Variants in OXR1 observed in about 807,000 individuals in gnomAD.
The protein encoded by OXR1 is oxidation resistance protein 1.
A neutral mutation model predicts 104.6 loss-of-function variants in OXR1; 41 were observed. The ratio of observed to expected loss-of-function variants is 0.39; its 90% CI spans 0.31 to 0.51. The LOEUF is 0.51. Ranked by LOEUF, OXR1 falls within the 20% of genes least tolerant of loss-of-function variation. The pLI is 0.77. For synonymous variants in OXR1, 348 were observed against 348.4 expected, an observed-to-expected ratio of 1.00 and a Z score of 0.01; for missense variants, 955 against 1,031.9, an observed-to-expected ratio of 0.93 and a Z score of 1.02.
intron 2 of OXR1, among the ~76,000 whole-genome samples, chr8:106,451,300 A>G (rs1214620670): frequency 6.6e-6 from 1 of 152,192 alleles, no homozygotes; most frequent in Non-Finnish European, 1.5e-5. Context: ...TATCATTGCA[A>G]TTGGAAATCT....
chr8:106,513,105 C>A (rs1007710890), intron 2 of OXR1, among the ~76,000 whole-genome samples: 2 of 152,004 alleles, frequency 1.3e-5, no homozygotes, highest in Non-Finnish European at 2.9e-5. Context: ...ATAAATTATG[C>A]AAGAGTAAAA....
At chr8:106,511,659 G>C (rs1356192926) in intron 2 of OXR1, among the ~76,000 whole-genome samples, 1 of 152,168 alleles carries the variant, frequency 6.6e-6, no homozygotes, top group Non-Finnish European at 1.5e-5. Context: ...TTTATACACT[G>C]CTTTAATAGA....
intron 2 of OXR1, among the ~76,000 whole-genome samples, chr8:106,401,938 G>A (rs1262675819): frequency 2.0e-5 from 3 of 152,184 alleles, no homozygotes; most frequent in East Asian, 3.9e-4. Context: ...GAGGATTGGA[G>A]AGTTGATATA....
chr8:106,470,415 A>G (rs565101482), intron 2 of OXR1, among the ~76,000 whole-genome samples: 8 of 149,864 alleles, frequency 5.3e-5, no homozygotes, highest in South Asian at 4.1e-4. Context: ...GAAATCAAGA[A>G]TAAGTCCGAG....
chr8:106,401,579 G>T (rs1563755954), intron 2 of OXR1, among the ~76,000 whole-genome samples: 1 of 152,118 alleles, frequency 6.6e-6, no homozygotes, highest in Non-Finnish European at 1.5e-5. Flanking sequence ...TCACTCAGTA[G>T]ATTAGTTGGA....
intron 3 of OXR1, among the ~76,000 whole-genome samples, chr8:106,542,061 C>T (rs1814995170): frequency 6.6e-6 from 1 of 152,154 alleles, no homozygotes; most frequent in Non-Finnish European, 1.5e-5. Flanking sequence ...TTGAGTCTAG[C>T]TTCTGTACAA....
chr8:106,527,537 T>C (rs1157393552), intron 3 of OXR1, among the ~76,000 whole-genome samples: 1 of 152,218 alleles, frequency 6.6e-6, no homozygotes, highest in African/African-American at 2.4e-5. Flanking sequence ...GTATGATGTA[T>C]CTTGGGCTTT....
chr8:106,470,333 C>T (rs1821419344), intron 2 of OXR1, among the ~76,000 whole-genome samples: 2 of 151,788 alleles, frequency 1.3e-5, no homozygotes, highest in East Asian at 3.9e-4. Flanking sequence ...ACCATTCTTC[C>T]AGTTATTTCC....
intron 3 of OXR1, among the ~76,000 whole-genome samples, chr8:106,635,376 C>A (rs1823043732): frequency 6.6e-6 from 1 of 152,086 alleles, no homozygotes; most frequent in African/African-American, 2.4e-5. Flanking sequence ...TATTATAGAG[C>A]TTTTCATAAA....
intron 2 of OXR1, among the ~76,000 whole-genome samples, chr8:106,416,988 G>A (rs907484913): frequency 6.6e-6 from 1 of 152,102 alleles, no homozygotes; most frequent in African/African-American, 2.4e-5. Flanking sequence ...GTTAATTAAC[G>A]TGACAAAGAA....
intron 3 of OXR1, among the ~76,000 whole-genome samples, chr8:106,630,295 G>A (rs1350843310): frequency 1.3e-5 from 2 of 152,186 alleles, no homozygotes; most frequent in African/African-American, 4.8e-5. Flanking sequence ...TGACATAGGT[G>A]TAAATAGGGC....
intron 3 of OXR1, among the ~76,000 whole-genome samples, chr8:106,675,074 T>C (rs1420475092): frequency 2.0e-5 from 3 of 152,188 alleles, no homozygotes; most frequent in Non-Finnish European, 2.9e-5. Context: ...AAGAATACTT[T>C]ATGGAAACAG....
intron 3 of OXR1, among the ~76,000 whole-genome samples, chr8:106,629,931 ATGTG>A (rs1822519304): frequency 6.6e-6 from 1 of 152,210 alleles, no homozygotes; most frequent in South Asian, 2.1e-4. Context: ...ATAATAGTCA[ATGTG>A]ATCTAAATAC....
chr8:106,717,824 A>ATT (rs34787151), intron 11 of OXR1, among the ~76,000 whole-genome samples: 89,862 of 151,872 alleles, frequency 0.59, 27,189 homozygotes, highest in African/African-American at 0.72. Context: ...TGTAGTAAAT[A>ATT]TTTTCATAAA....
At chr8:106,551,037 G>A (rs772925459) in intron 3 of OXR1, among the ~76,000 whole-genome samples, 6 of 152,100 alleles carry the variant, frequency 3.9e-5, no homozygotes, top group Non-Finnish European at 8.8e-5. Context: ...CCTCTGAAAC[G>A]TACTCCCAGT....
chr8:106,731,732 G>A (rs1446360893), intron 11 of OXR1, among the ~76,000 whole-genome samples: 1 of 152,102 alleles, frequency 6.6e-6, no homozygotes, highest in African/African-American at 2.4e-5. Flanking sequence ...GTTTTATTGT[G>A]TATCATTGAT....
intron 3 of OXR1, among the ~76,000 whole-genome samples, chr8:106,540,756 C>T (rs1313788737): frequency 6.6e-6 from 1 of 152,152 alleles, no homozygotes; most frequent in African/African-American, 2.4e-5. Context: ...CAAGTCACAG[C>T]TTACATGGAT....
chr8:106,445,606 T>C (rs1819981932), intron 2 of OXR1, among the ~76,000 whole-genome samples: 1 of 152,186 alleles, frequency 6.6e-6, no homozygotes, highest in Admixed American at 6.6e-5. Context: ...TCCAACCATG[T>C]CCATCATCTG....
intron 3 of OXR1, among the ~76,000 whole-genome samples, chr8:106,632,503 T>C (rs760991029): frequency 1.3e-5 from 2 of 152,354 alleles, no homozygotes; most frequent in South Asian, 4.1e-4. Context: ...AATTAAATGC[T>C]CTACTATCTA....
Sources: allele counts gnomAD v4.1 joint callset (sites outside exome capture counted in the v4.1 genomes callset), GRCh38; gene constraint gnomAD v4.1.1; transcripts MANE v1.5; gene names NCBI Gene and HGNC (gene_info 2026-07-23, HGNC 2026-07-21).